ABCB6: variants seen among roughly 807,000 people sequenced by gnomAD.
The protein encoded by ABCB6 is ATP binding cassette subfamily B member 6 (LAN blood group), also known as ATP-binding cassette sub-family B member 6.
A neutral mutation model predicts 99.4 loss-of-function variants in ABCB6; 87 were observed. The ratio of observed to expected loss-of-function variants is 0.88; its 90% CI spans 0.74 to 1.05. ABCB6 has a LOEUF of 1.05. Among genes scored for constraint, ABCB6 ranks in the 50% least tolerant of loss-of-function variants. The pLI is 0.00. For missense variants in ABCB6, 1,050 were observed against 1,097.9 expected, an observed-to-expected ratio of 0.96 and a Z score of 0.62; for synonymous variants, 482 against 447.5, an observed-to-expected ratio of 1.08 and a Z score of -0.97.
intron 16 of ABCB6, 38 bp downstream of exon 16, chr2:219,210,673 C>CA: frequency 6.2e-7 from 1 of 1,612,394 alleles, no homozygotes; most frequent in Non-Finnish European, 8.5e-7. Flanking sequence ...CTTGAGCATA[C>CA]ACAAGGCAGG....
chr2:219,211,019 G>A lies in ABCB6; in HGVS notation c.2058C>T (p.Tyr686=), dbSNP rs371969603. The change falls in exon 15 of 19, where the codon TAC becomes TAT. Residue 686 remains tyrosine, a synonymous_variant. Coordinates refer to ENST00000265316, the MANE Select transcript of ABCB6 (RefSeq NM_005689.4). ...FNDTIADNIR[Y]GRVTAGNDEV... is the part of the protein sequence containing the mutation. ...CATCATTCCCAGCTGTGACACGGCC[G>A]TAACGGATATTGTCGGCGATGGTGT... is the stretch of plus-strand genomic sequence containing the variant. The A allele has an allele frequency of 1.7e-4, 272 of 1,614,154 alleles. 2 individuals are homozygous for A. The South Asian group carries it at 2.5e-3, about 15-fold the overall frequency.
At position 219,210,398 on chromosome 2, in the gene ABCB6, G is replaced by C. The variant is rs1255437577; in HGVS notation, c.2334C>G (p.Thr778=). ...SLAKVCANRT[T]IVVAHRLSTV... Reference sequence around the variant, plus strand: ...TCCTGTACCTGTGTGCCACTACGATGGTGGTGCGGTTGGCACAGACTTTGG... The same window carrying C: ...TCCTGTACCTGTGTGCCACTACGATCGTGGTGCGGTTGGCACAGACTTTGG... The change falls in exon 17 of 19, where the codon ACC becomes ACG. Residue 778 remains threonine (T), a synonymous_variant. Coordinates refer to ENST00000265316, the MANE Select transcript of ABCB6 (RefSeq NM_005689.4). 6.2e-7 allele frequency: 1 copy of C among 1,614,176 alleles called. No individual in the cohort carries two copies. The highest frequency in any genetic ancestry group is 1.1e-5 in the South Asian group (1 of 91,084).
rs1351619325 is a variant in ABCB6 at position 219,214,176 on chromosome 2, T to C, written c.1397A>G (p.Tyr466Cys). The C allele has an allele frequency of 2.5e-6, 4 of 1,614,210 alleles. No individual in the cohort carries two copies. Among genetic ancestry groups the C allele is most frequent in the Non-Finnish European group, 3.4e-6 (4 of 1,180,036 alleles). The change falls in exon 8 of 19, where the codon TAC becomes TGC. Residue 466 changes from tyrosine to cysteine, a missense_variant. Physicochemically the swap from Tyr to Cys is radical, Grantham distance 194. Coordinates refer to ENST00000265316, the MANE Select transcript of ABCB6 (RefSeq NM_005689.4). ...TTCCACTTCGTAACTCTCGGCGTTG[T>C]AATACTTCACCTGATGAATTCAAAC... ...SLLNFETVKYYNAESYEVERY... is the reference protein window; with the variant it reads ...SLLNFETVKYCNAESYEVERY...
At position 219,216,564 on chromosome 2, in the gene ABCB6, G is replaced by A; in HGVS notation, c.868+88C>T. On this transcript the variant is annotated intron_variant, in intron 3 of 18. Transcript: ENST00000265316. This position sits in a 1 kb window ranked among gnomAD's most constrained non-coding sequence, Gnocchi z 4.2. ...GCCACAGTCTCTTTCTGACCACCCAGCTCTGTCCCACCTCCCTAGGTAAGG... is the reference window on the plus strand; with the variant it reads ...GCCACAGTCTCTTTCTGACCACCCAACTCTGTCCCACCTCCCTAGGTAAGG... 6.5e-7 allele frequency: 1 copy of A among 1,537,986 alleles called. No individual in the cohort carries two copies.
intron 2 of ABCB6, among the ~76,000 whole-genome samples, 185 bp downstream of exon 2, chr2:219,217,485 A>G (rs2106429486): frequency 6.6e-6 from 1 of 151,692 alleles, no homozygotes; most frequent in East Asian, 1.9e-4. Flanking sequence ...CTCTACTAAA[A>G]ATACAAAACT....
At position 219,210,059 on chromosome 2, in the gene ABCB6, G is replaced by GA; in HGVS notation, c.2421-14dup. ...CAGAGCCTCGTGTCTGGGGTGAGGA[G>GA]AAAAGTGTGAGTCCTAACCATTAGT... is the stretch of plus-strand genomic sequence containing the variant. On this transcript the variant is annotated splice_polypyrimidine_tract_variant and intron_variant, in intron 18 of 18. Coordinates refer to ENST00000265316, the MANE Select transcript of ABCB6 (RefSeq NM_005689.4). 1 of 1,612,414 alleles carries GA rather than the reference G, an allele frequency of 6.2e-7. No homozygotes were observed. The highest frequency in any genetic ancestry group is 8.5e-7 in the Non-Finnish European group (1 of 1,178,542).
intron 10 of ABCB6, 34 bp from the exon 11 acceptor site, chr2:219,213,536 T>A: frequency 6.2e-7 from 1 of 1,614,106 alleles, no homozygotes; most frequent in Non-Finnish European, 8.5e-7. Context: ...CTTCTCTGAG[T>A]AGCCAGGAAA....
At position 219,215,026 on chromosome 2, in the gene ABCB6, T is replaced by G. The variant is rs759631906; in HGVS notation, c.1211A>C (p.Tyr404Ser). 1 of 1,613,950 alleles carries G rather than the reference T, an allele frequency of 6.2e-7. No homozygotes were observed. The highest frequency in any genetic ancestry group is 1.7e-5 in the Admixed American group (1 of 60,002). The part of the protein sequence containing the change: ...TLADIIIGII[Y>S]FSMFFNAWFG... ...CCAGGCGTTGAAGAACATGCTGAAG[T>G]AGATGATGCCAATGATGATGTCGGC... Residue 404 changes from tyrosine to serine, a missense_variant, in exon 6 of 19, where the codon TAC becomes TCC. Coordinates refer to ENST00000265316, the MANE Select transcript of ABCB6 (RefSeq NM_005689.4).
chr2:219,213,885 G>T lies in ABCB6; in HGVS notation c.1519C>A (p.Leu507Ile), dbSNP rs765188273. The part of the protein sequence containing the change: ...LNQTQNLVIG[L>I]GLLAGSLLCA... ...AGCAGGGAGCCGGCGAGGAGCCCGA[G>T]CCCAATCACCAGGTTCTGGGTCTGA... The change falls in exon 9 of 19, where the codon CTC (leucine) becomes ATC (isoleucine). Residue 507 changes from leucine to isoleucine, a missense_variant. Physicochemically the swap from Leu to Ile is conservative, Grantham distance 5. Coordinates refer to ENST00000265316, the MANE Select transcript of ABCB6 (RefSeq NM_005689.4). 1 of 1,614,056 alleles carries T rather than the reference G, an allele frequency of 6.2e-7. No homozygotes were observed. Among genetic ancestry groups the T allele is most frequent in the African/African-American group, 1.3e-5 (1 of 74,942 alleles).
intron 1 of ABCB6, 119 bp downstream of exon 1, chr2:219,218,006 C>CCTCCATT (rs1950667161): frequency 7.1e-7 from 1 of 1,399,242 alleles, no homozygotes; most frequent in African/African-American, 1.5e-5. Context: ...GGACTCAGCC[C>CCTCCATT]CTCCCTTCTC....
Position 219,217,755 on chromosome 2 carries a change from A to G in ABCB6, c.602T>C (p.Val201Ala). The part of the protein sequence containing the change: ...LRYVVSGGLF[V>A]LGLWAPGLRP... ...AAGTCCAGGGGCCCAGAGACCCAGG[A>G]CAAACAGCCCTCCAGAGACCACATA... is the stretch of plus-strand genomic sequence containing the variant. Residue 201 changes from valine (V) to alanine (A), a missense_variant, in exon 2 of 19, where the codon GTC becomes GCC. Val to Ala is a moderately conservative substitution (Grantham distance 64). Coordinates refer to ENST00000265316, the MANE Select transcript of ABCB6 (RefSeq NM_005689.4). 1.2e-6 allele frequency: 2 copies of G among 1,614,082 alleles called. No individual in the cohort carries two copies. The highest frequency in any genetic ancestry group is 1.7e-6 in the Non-Finnish European group (2 of 1,179,994).
chr2:219,212,256 G>A, intron 14 of ABCB6, 131 bp downstream of exon 14: 1 of 697,902 alleles, frequency 1.4e-6, no homozygotes, highest in East Asian at 2.7e-5. Context: ...TTGTGTGACT[G>A]TAGGTTATAT....
chr2:219,217,362 G>C (rs1188708940), intron 2 of ABCB6, among the ~76,000 whole-genome samples: 1 of 150,722 alleles, frequency 6.6e-6, no homozygotes, highest in East Asian at 2.0e-4. Context: ...AAAACAAAAA[G>C]AGGCCAGGCG....
chr2:219,211,153 A>AGGCCTGGGAGGCAGGGT, intron 14 of ABCB6, 45 bp from the exon 15 acceptor site: 7 of 1,601,714 alleles, frequency 4.4e-6, no homozygotes, highest in Non-Finnish European at 6.0e-6. Context: ...GATACCCCCA[A>AGGCCTGGGAGGCAGGGT]GGCCTGGGAG....
intron 1 of ABCB6, 147 bp downstream of exon 1, chr2:219,217,974 AGCTG>A: frequency 7.4e-7 from 1 of 1,347,286 alleles, no homozygotes; most frequent in Non-Finnish European, 9.9e-7. Flanking sequence ...ACACCCCACC[AGCTG>A]GCTATCAGCT....
chr2:219,210,967 C>T lies in ABCB6; in HGVS notation c.2110G>A (p.Gly704Ser), dbSNP rs761155760. 8.1e-6 allele frequency: 13 copies of T among 1,614,214 alleles called. No individual in the cohort carries two copies. The highest frequency in any genetic ancestry group is 1.1e-5 in the Non-Finnish European group (13 of 1,180,032). The change falls in exon 15 of 19, where the codon GGC becomes AGC. Residue 704 changes from glycine to serine, a missense_variant. Gly to Ser is a moderately conservative substitution (Grantham distance 56). Coordinates refer to ENST00000265316, the MANE Select transcript of ABCB6 (RefSeq NM_005689.4). ...AAAGCCATAATGGCATCATGGATGCCTGCAGCCTGAGCAGCAGCCTCCACC... is the reference window on the plus strand; with the variant it reads ...AAAGCCATAATGGCATCATGGATGCTTGCAGCCTGAGCAGCAGCCTCCACC... ...DEVEAAAQAA[G>S]IHDAIMAFPE... is the part of the protein sequence containing the mutation.
In ABCB6 at chr2:219,218,756, T is replaced by A; in HGVS notation, c.-83A>T. 1.4e-6 allele frequency: 2 copies of A among 1,414,376 alleles called. No individual in the cohort carries two copies. The highest frequency in any genetic ancestry group is 5.1e-5 in the East Asian group (2 of 38,876). The allele number at this position is 1,414,376 out of a possible 1,614,324, so 87.6% of individuals were successfully genotyped here. On this transcript the variant is annotated 5_prime_UTR_variant, in exon 1 of 19. The change abolishes an upstream ATG in the 5' untranslated region. Transcript: ENST00000265316. ...GGTCACTCGGAGAGGGGCGCGGACA[T>A]CCGGGTGCCTTGGCTCACGTAGCCG... is the stretch of plus-strand genomic sequence containing the variant.
At chr2:219,215,221 G>T (rs1328905059) in intron 5 of ABCB6, 139 bp from the exon 6 acceptor site, 2 of 1,094,524 alleles carry the variant, frequency 1.8e-6, no homozygotes, top group Non-Finnish European at 1.3e-6. Flanking sequence ...CTCAAGAGGT[G>T]GGTGGCTAAA....
Position 219,210,037 on chromosome 2 carries a change from A to T in ABCB6, c.2430T>A (p.Ala810=). 6.2e-7 allele frequency: 1 copy of T among 1,614,002 alleles called. No individual in the cohort carries two copies. The highest frequency in any genetic ancestry group is 1.7e-5 in the Admixed American group (1 of 60,002). ...GCIVERGRHE[A]LLSRGGVYAD... is the part of the protein sequence containing the mutation. ...CATACACCCCACCTCGGGACAACAG[A>T]GCCTCGTGTCTGGGGTGAGGAGAAA... Residue 810 remains alanine, a synonymous_variant, in exon 19 of 19, where the codon GCT becomes GCA. Coordinates refer to ENST00000265316, the MANE Select transcript of ABCB6 (RefSeq NM_005689.4).
Sources: allele counts gnomAD v4.1 joint callset (sites outside exome capture counted in the v4.1 genomes callset), GRCh38; gene constraint gnomAD v4.1.1; non-coding constraint Gnocchi (gnomAD v3.1); transcripts MANE v1.5; gene names NCBI Gene and HGNC (gene_info 2026-07-23, HGNC 2026-07-21).